RNGTT: variants seen among roughly 807,000 people sequenced by gnomAD.
RNGTT encodes the protein RNA guanylyltransferase and 5'-phosphatase, also known as mRNA-capping enzyme.
In RNGTT, 33 loss-of-function variants were observed where a neutral mutation model predicts 79.3. The observed-to-expected ratio is 0.42, with a 90% CI of 0.32 to 0.56. RNGTT has a LOEUF of 0.56. RNGTT is among the 20% of genes least tolerant of loss of function. The pLI is 0.17. For synonymous variants in RNGTT, 222 were observed against 235.9 expected (o/e 0.94, Z 0.54); for missense variants, 497 against 739.1 (o/e 0.67, Z 3.80).
At chr6:88,667,347 C>T (rs1562181979) in intron 14 of RNGTT, among the ~76,000 whole-genome samples, 1 of 152,196 alleles carries the variant, frequency 6.6e-6, no homozygotes, top group East Asian at 1.9e-4. Flanking sequence ...GGCCAAGAGT[C>T]ACTTGAAAAG....
intron 13 of RNGTT, among the ~76,000 whole-genome samples, chr6:88,688,375 C>T (rs775557755): frequency 7.9e-5 from 12 of 152,136 alleles, no homozygotes; most frequent in Non-Finnish European, 1.3e-4. Flanking sequence ...CAAATATACA[C>T]GTAGGTGCTT....
intron 2 of RNGTT, among the ~76,000 whole-genome samples, chr6:88,930,097 T>G (rs1374764453): frequency 7.0e-6 from 1 of 143,818 alleles, no homozygotes; most frequent in Non-Finnish European, 1.5e-5. Context: ...TACATATACG[T>G]ATATACATAT....
intron 14 of RNGTT, among the ~76,000 whole-genome samples, chr6:88,659,190 C>T (rs551676496): frequency 6.6e-6 from 1 of 152,254 alleles, no homozygotes; most frequent in Admixed American, 6.5e-5. Context: ...ACAGTCTACT[C>T]AAATGAGAAG....
At chr6:88,720,137 C>A (rs1776659924) in intron 13 of RNGTT, among the ~76,000 whole-genome samples, 1 of 152,216 alleles carries the variant, frequency 6.6e-6, no homozygotes, top group Admixed American at 6.5e-5. Context: ...TCCAATGGTG[C>A]ATGCTAGTAA....
At chr6:88,798,508 G>A (rs1314775409) in intron 12 of RNGTT, among the ~76,000 whole-genome samples, 2 of 151,502 alleles carry the variant, frequency 1.3e-5, no homozygotes, top group African/African-American at 4.8e-5. Flanking sequence ...GAAATAAGGT[G>A]GCAGAAATCC....
chr6:88,771,625 T>C (rs1362287899), intron 12 of RNGTT, among the ~76,000 whole-genome samples: 1 of 151,964 alleles, frequency 6.6e-6, no homozygotes, highest in South Asian at 2.1e-4. Flanking sequence ...AATCAATCAA[T>C]AGGTTAGGGA....
intron 13 of RNGTT, among the ~76,000 whole-genome samples, chr6:88,746,736 G>T (rs1777670710): frequency 6.6e-6 from 1 of 152,276 alleles, no homozygotes; most frequent in African/African-American, 2.4e-5. Flanking sequence ...GTTCTAACAG[G>T]CCACAGACCT....
chr6:88,963,249 T>C, intron 1 of RNGTT, 97 bp downstream of exon 1: 3 of 1,248,352 alleles, frequency 2.4e-6, no homozygotes, highest in Non-Finnish European at 3.5e-6. Flanking sequence ...GAAATACCAC[T>C]AATGGGCACA....
intron 2 of RNGTT, among the ~76,000 whole-genome samples, chr6:88,940,196 G>A (rs1784804449): frequency 1.3e-5 from 2 of 151,822 alleles, no homozygotes; most frequent in Middle Eastern, 3.4e-3. Flanking sequence ...TTGTGCCTCA[G>A]CCTCCCGAGT....
intron 13 of RNGTT, among the ~76,000 whole-genome samples, chr6:88,711,521 T>A (rs1470100905): frequency 6.6e-6 from 1 of 152,180 alleles, no homozygotes; most frequent in South Asian, 2.1e-4. Flanking sequence ...ACATTATACC[T>A]CATTTAATCT....
chr6:88,795,697 AC>A (rs546425954), intron 12 of RNGTT, among the ~76,000 whole-genome samples: 19,328 of 151,946 alleles, frequency 0.13, 1,419 homozygotes, highest in Middle Eastern at 0.23. Flanking sequence ...TTTAAAAACC[AC>A]CACCAAAAAA....
At chr6:88,837,576 A>G (rs1781123955) in intron 11 of RNGTT, among the ~76,000 whole-genome samples, 1 of 151,582 alleles carries the variant, frequency 6.6e-6, no homozygotes, top group South Asian at 2.1e-4. Flanking sequence ...AAAAAGTTAG[A>G]AAAAAAAACT....
At chr6:88,712,909 C>T (rs1208997509) in intron 13 of RNGTT, among the ~76,000 whole-genome samples, 2 of 152,156 alleles carry the variant, frequency 1.3e-5, no homozygotes, top group Admixed American at 6.5e-5. Flanking sequence ...CATCAGGATG[C>T]TAACTCTCAA....
At chr6:88,818,020 A>C (rs376523831) in intron 11 of RNGTT, among the ~76,000 whole-genome samples, 3 of 151,414 alleles carry the variant, frequency 2.0e-5, no homozygotes, top group African/African-American at 7.3e-5. Flanking sequence ...CGGCCTCCCA[A>C]AGTGCTAGGA....
chr6:88,665,540 G>A (rs1774369798), intron 14 of RNGTT, among the ~76,000 whole-genome samples: 1 of 152,192 alleles, frequency 6.6e-6, no homozygotes, highest in Non-Finnish European at 1.5e-5. Flanking sequence ...CGTACACATT[G>A]TTGGGGTTAT....
intron 15 of RNGTT, among the ~76,000 whole-genome samples, chr6:88,613,546 A>G (rs1772110715): frequency 6.6e-6 from 1 of 152,232 alleles, no homozygotes; most frequent in African/African-American, 2.4e-5. Flanking sequence ...TGAAATTGGC[A>G]ATTTCAATAT....
chr6:88,909,689 C>A (rs1470164481), intron 4 of RNGTT, among the ~76,000 whole-genome samples: 1 of 152,192 alleles, frequency 6.6e-6, no homozygotes, highest in Non-Finnish European at 1.5e-5. Context: ...CGTCCTCTCT[C>A]CAGAGCACTG....
intron 2 of RNGTT, 49 bp from the exon 3 acceptor site, chr6:88,929,316 GTTCC>G: frequency 8.4e-7 from 1 of 1,192,776 alleles, no homozygotes; most frequent in Non-Finnish European, 1.2e-6. Context: ...AACTTAATTT[GTTCC>G]CAAATAAGTA....
intron 8 of RNGTT, among the ~76,000 whole-genome samples, chr6:88,889,678 T>C (rs577085537): frequency 6.6e-6 from 1 of 152,216 alleles, no homozygotes; most frequent in African/African-American, 2.4e-5. Flanking sequence ...AGCAAAACTG[T>C]AATAGATGCA....
Sources: allele counts gnomAD v4.1 joint callset (sites outside exome capture counted in the v4.1 genomes callset), GRCh38; gene constraint gnomAD v4.1.1; transcripts MANE v1.5; gene names NCBI Gene and HGNC (gene_info 2026-07-23, HGNC 2026-07-21).